The following DUSP29 variants were observed in gnomAD, a reference collection of about 807,000 sequenced individuals.
DUSP29 encodes the protein dual specificity phosphatase 29, also known as atypical dual-specific protein phosphatase.
In DUSP29, 12 loss-of-function variants were observed where a neutral mutation model predicts 13.5. The observed-to-expected ratio is 0.89, with a 90% confidence interval of 0.57 to 1.44. DUSP29 has a LOEUF of 1.44. Ranked by LOEUF, DUSP29 falls within the 40% of genes most tolerant of loss-of-function variation. DUSP29 has a pLI of 0.00. For synonymous variants in DUSP29, 134 were observed against 128.7 expected, an observed-to-expected ratio of 1.04 and a Z score of -0.28; for missense variants, 308 against 301.1, an observed-to-expected ratio of 1.02 and a Z score of -0.17.
chr10:75,043,745 G>GTCGGGGCGGGGCGGGGCGGGGCCGA, intron 3 of DUSP29, 52 bp downstream of exon 3: 1 of 1,498,522 alleles, frequency 6.7e-7, no homozygotes, highest in Non-Finnish European at 9.0e-7. Context: ...GGCGGGGCGA[G>GTCGGGGCGGGGCGGGGCGGGGCCGA]TCGGGGCGGG....
At chr10:75,041,480 C>G (rs1294361945) in intron 3 of DUSP29, among the ~76,000 whole-genome samples, 1 of 152,226 alleles carries the variant, frequency 6.6e-6, no homozygotes, top group African/African-American at 2.4e-5. Flanking sequence ...AGGTGCCCCT[C>G]TGAAGGGGTA....
chr10:75,061,435 T>C (rs988520316), intron 1 of DUSP29, among the ~76,000 whole-genome samples: 1 of 152,062 alleles, frequency 6.6e-6, no homozygotes, highest in Non-Finnish European at 1.5e-5. Context: ...TCCTGTGAAG[T>C]CTCTCAAAGT....
At chr10:75,053,195 CAGT>C (rs1846885254) in intron 2 of DUSP29, among the ~76,000 whole-genome samples, 1 of 152,204 alleles carries the variant, frequency 6.6e-6, no homozygotes, top group Non-Finnish European at 1.5e-5. Flanking sequence ...GACCACACAG[CAGT>C]AGAATTTGGC....
intron 3 of DUSP29, among the ~76,000 whole-genome samples, chr10:75,040,317 C>A (rs1388422668): frequency 6.6e-6 from 1 of 152,164 alleles, no homozygotes; most frequent in Non-Finnish European, 1.5e-5. Flanking sequence ...TTTTAAGATG[C>A]CTTCAGAAGC....
At chr10:75,046,052 G>T (rs1230795124) in intron 2 of DUSP29, among the ~76,000 whole-genome samples, 1 of 152,084 alleles carries the variant, frequency 6.6e-6, no homozygotes, top group Non-Finnish European at 1.5e-5. Context: ...GGGAGGTTGA[G>T]GCTGCAGTGA....
At chr10:75,038,149 C>G in intron 3 of DUSP29, 72 bp from the exon 4 acceptor site, 1 of 1,539,522 alleles carries the variant, frequency 6.5e-7, no homozygotes, top group East Asian at 2.3e-5. Flanking sequence ...GGGCCCACTC[C>G]CATCCTGACT....
chr10:75,067,982 T>C (rs1031263715), intron 1 of DUSP29, among the ~76,000 whole-genome samples: 2 of 152,024 alleles, frequency 1.3e-5, no homozygotes, highest in Admixed American at 6.5e-5. Flanking sequence ...CCAGCTAATT[T>C]TTGTATTTTT....
intron 3 of DUSP29, among the ~76,000 whole-genome samples, chr10:75,043,007 T>C (rs1324692032): frequency 6.6e-6 from 1 of 152,260 alleles, no homozygotes; most frequent in Admixed American, 6.5e-5. Flanking sequence ...CTCTCCAAAA[T>C]AGCCTTGTAG....
chr10:75,047,228 C>T (rs72803471), intron 2 of DUSP29, among the ~76,000 whole-genome samples: 8,696 of 152,238 alleles, frequency 0.057, 328 homozygotes, highest in Middle Eastern at 0.088. Context: ...TGGGGACTTC[C>T]CCCAGCTTCA....
intron 2 of DUSP29, among the ~76,000 whole-genome samples, chr10:75,048,491 CCA>C (rs1846751836): frequency 6.6e-6 from 1 of 152,004 alleles, no homozygotes; most frequent in Admixed American, 6.5e-5. Context: ...CCTCCACCTC[CCA>C]GGTTCAAGCA....
chr10:75,054,947 C>T (rs892489886), intron 2 of DUSP29, among the ~76,000 whole-genome samples: 3 of 151,982 alleles, frequency 2.0e-5, no homozygotes, highest in South Asian at 4.2e-4. Flanking sequence ...TCAAGTGATC[C>T]GCCCACCTCA....
chr10:75,052,184 A>T (rs1456197777), intron 2 of DUSP29, among the ~76,000 whole-genome samples: 1 of 152,108 alleles, frequency 6.6e-6, no homozygotes, highest in Non-Finnish European at 1.5e-5. Flanking sequence ...TTCTGCTCAG[A>T]CACTCAATGG....
At chr10:75,072,633 T>G (rs955499605) in intron 1 of DUSP29, among the ~76,000 whole-genome samples, 1 of 151,964 alleles carries the variant, frequency 6.6e-6, no homozygotes, top group Non-Finnish European at 1.5e-5. Flanking sequence ...AAGCTAAAGG[T>G]GGGGGCAGCG....
intron 1 of DUSP29, among the ~76,000 whole-genome samples, chr10:75,072,375 G>A (rs1467766950): frequency 2.0e-5 from 3 of 152,104 alleles, no homozygotes; most frequent in East Asian, 1.9e-4. Context: ...GAGCAGCTGG[G>A]TACTGAACAA....
chr10:75,072,143 C>A (rs1272744575), intron 1 of DUSP29, among the ~76,000 whole-genome samples: 2 of 152,240 alleles, frequency 1.3e-5, no homozygotes, highest in Non-Finnish European at 2.9e-5. Flanking sequence ...TCTTCCCCTA[C>A]ACCAAGGCAA....
chr10:75,073,002 A>C (rs1405150749), intron 1 of DUSP29, among the ~76,000 whole-genome samples: 1 of 145,802 alleles, frequency 6.9e-6, no homozygotes, highest in Non-Finnish European at 1.5e-5. Flanking sequence ...CCCACCCCCC[A>C]TCTCTACCAC....
rs537691919 is a variant in DUSP29, at chr10:75,038,522, G to T, written c.422-445C>A. ...CATTCAAATCCCACGGACCTTTCTG[G>T]AGGCTGCCGGGCCTCTGGCCAGCCC... On this transcript the variant is annotated intron_variant, in intron 3 of 3. Transcript: ENST00000338487. Among the ~76,000 whole-genome samples, 672 of 152,282 alleles carry T rather than the reference G, an allele frequency of 4.4e-3. 10 individuals carry two copies. The highest frequency in any genetic ancestry group is 0.015 in the African/African-American group (639 of 41,548).
Position 75,038,030 on chromosome 10 carries a change from G to C in DUSP29, c.469C>G (p.Leu157Val). The change falls in exon 4 of 4, where the codon CTG (leucine) becomes GTG (valine). Residue 157 changes from leucine (L) to valine (V), a missense_variant. Physicochemically the swap from Leu to Val is conservative, Grantham distance 32 (BLOSUM62 1). Coordinates refer to ENST00000338487, the MANE Select transcript of DUSP29 (RefSeq NM_001003892.3). ...CVMGRSRSAT[L>V]VLAYLMIHKD... ...TGGATCATCAGGTAGGCCAGGACCA[G>C]GGTGGCTGACCGGCTGCGGCCCATG... The C allele has an allele frequency of 1.2e-6, 2 of 1,613,926 alleles. No individual in the cohort carries two copies. Among genetic ancestry groups the C allele is most frequent in the Non-Finnish European group, 1.7e-6 (2 of 1,180,016 alleles).
chr10:75,054,874 C>T (rs1482497542), intron 2 of DUSP29, among the ~76,000 whole-genome samples: 1 of 152,180 alleles, frequency 6.6e-6, no homozygotes, highest in East Asian at 1.9e-4. Flanking sequence ...GGGTCTCACT[C>T]TGTCACCCAG....
Sources: gnomAD v4.1 joint callset for allele counts (sites outside exome capture counted in the v4.1 genomes callset) on GRCh38, gnomAD v4.1.1 for gene constraint, MANE v1.5 for transcripts, NCBI Gene and HGNC (gene_info 2026-07-23, HGNC 2026-07-21) for gene names.